Variants in CTNND2 observed in about 807,000 individuals in gnomAD.
CTNND2 encodes the protein catenin delta 2.
Under a neutral mutation model 144.4 loss-of-function variants are expected in CTNND2, and 22 were observed. That is an observed-to-expected ratio of 0.15 (90% CI 0.11 to 0.22). CTNND2 has a LOEUF of 0.22. CTNND2 is among the 10% of genes least tolerant of loss of function. The pLI is 1.00. For missense variants in CTNND2, 1,353 were observed against 1,618.8 expected, an observed-to-expected ratio of 0.84 and a Z score of 2.82; for synonymous variants, 751 against 695.6, an observed-to-expected ratio of 1.08 and a Z score of -1.25.
In CTNND2 at chr5:11,072,178, C is replaced by T. The variant is rs189401546; in HGVS notation, c.2788+10518G>A. On this transcript the variant is annotated intron_variant, in intron 16 of 21. Coordinates refer to ENST00000304623, the MANE Select transcript of CTNND2 (RefSeq NM_001332.4). ...ACTGTTCAAGTCTCAAGGTGAGGAC[C>T]ACAGGGATTTGTATCTTTTGATCTC... Among the ~76,000 whole-genome samples the T allele has an allele frequency of 8.7e-4, 132 of 152,274 alleles. No homozygotes were observed. In the Middle Eastern group the frequency reaches 0.01, roughly 12 times the overall value.
chr5:11,440,948 CTT>C (rs964997332), intron 3 of CTNND2, among the ~76,000 whole-genome samples: 3 of 152,116 alleles, frequency 2.0e-5, no homozygotes, highest in Non-Finnish European at 4.4e-5. Flanking sequence ...TTGTTGATGT[CTT>C]AGTATCTTTC....
intron 12 of CTNND2, among the ~76,000 whole-genome samples, chr5:11,148,270 G>T (rs1757433932): frequency 6.6e-6 from 1 of 152,170 alleles, no homozygotes; most frequent in African/African-American, 2.4e-5. Context: ...CACTTTGAAC[G>T]TACCAAATGC....
chr5:11,433,257 A>C (rs567646516), intron 3 of CTNND2, among the ~76,000 whole-genome samples: 7 of 152,270 alleles, frequency 4.6e-5, no homozygotes, highest in South Asian at 2.1e-4. Context: ...CACACACAAA[A>C]AAAAATTATT....
chr5:11,595,751 G>C (rs1175460206), intron 2 of CTNND2, among the ~76,000 whole-genome samples: 1 of 152,058 alleles, frequency 6.6e-6, no homozygotes, highest in African/African-American at 2.4e-5. Flanking sequence ...ACATTTTTGG[G>C]ATTAAAAAGC....
chr5:11,233,379 C>G (rs745824914), intron 10 of CTNND2, among the ~76,000 whole-genome samples: 10 of 152,278 alleles, frequency 6.6e-5, no homozygotes, highest in Admixed American at 2.6e-4. Flanking sequence ...TGATTTATGA[C>G]CCTCTGCATA....
chr5:11,156,755 G>A (rs1420964987), intron 12 of CTNND2, among the ~76,000 whole-genome samples: 1 of 152,210 alleles, frequency 6.6e-6, no homozygotes, highest in Non-Finnish European at 1.5e-5. Flanking sequence ...ACTTGGCTGA[G>A]TGGCTAATGC....
Position 10,988,146 on chromosome 5 carries a change from T to C in CTNND2, c.3308A>G (p.Lys1103Arg), listed in dbSNP as rs749425505. The C allele has an allele frequency of 4.3e-6, 7 of 1,614,062 alleles. No individual in the cohort carries two copies. Among genetic ancestry groups the C allele is most frequent in the African/African-American group, 1.3e-5 (1 of 74,938 alleles). Residue 1103 changes from lysine to arginine, a missense_variant, in exon 20 of 22, where the codon AAA becomes AGA. Transcript: ENST00000304623. This position sits in a 1 kb window ranked among gnomAD's most constrained non-coding sequence, Gnocchi z 5.9. ...TGSNATYHGAKGEHTSRKDAM... is the reference protein window; with the variant it reads ...TGSNATYHGARGEHTSRKDAM... ...ATCTTTCCTGGAAGTGTGTTCGCCT[T>C]TAGCTCCGTGGTAGGTGGCGTTGCT...
At chr5:11,016,105 G>A (rs1234639836) in intron 18 of CTNND2, among the ~76,000 whole-genome samples, 1 of 152,096 alleles carries the variant, frequency 6.6e-6, no homozygotes, top group Non-Finnish European at 1.5e-5. Context: ...CAGTATTTGC[G>A]AGATGCAAAA....
chr5:11,353,241 T>C (rs903244694), intron 8 of CTNND2, among the ~76,000 whole-genome samples: 2 of 152,112 alleles, frequency 1.3e-5, no homozygotes, highest in African/African-American at 2.4e-5. Flanking sequence ...ACTACTATCA[T>C]TAACATCATC....
At chr5:11,161,226 C>A (rs1758740822) in intron 11 of CTNND2, among the ~76,000 whole-genome samples, 2 of 152,184 alleles carry the variant, frequency 1.3e-5, no homozygotes, top group South Asian at 4.1e-4. Flanking sequence ...GTATTAGTGA[C>A]AGAGACTGTA....
At chr5:11,361,378 A>C (rs1160654394) in intron 8 of CTNND2, among the ~76,000 whole-genome samples, 1 of 152,146 alleles carries the variant, frequency 6.6e-6, no homozygotes, top group Admixed American at 6.5e-5. Context: ...CTGGTCTTGA[A>C]TTCCTGGGCT....
At chr5:11,283,369 G>T (rs530504683) in intron 9 of CTNND2, among the ~76,000 whole-genome samples, 16 of 151,990 alleles carry the variant, frequency 1.1e-4, no homozygotes, top group Admixed American at 4.6e-4. Flanking sequence ...CTGTTAACAT[G>T]GGAGGAAAAA....
intron 2 of CTNND2, among the ~76,000 whole-genome samples, chr5:11,703,105 G>A (rs1334046982): frequency 1.3e-5 from 2 of 152,132 alleles, no homozygotes; most frequent in Non-Finnish European, 2.9e-5. Flanking sequence ...TTAAGAGTTG[G>A]GTAGAGTCTG....
At chr5:11,457,759 T>C (rs1765861083) in intron 3 of CTNND2, among the ~76,000 whole-genome samples, 1 of 152,220 alleles carries the variant, frequency 6.6e-6, no homozygotes, top group South Asian at 2.1e-4. Flanking sequence ...GCCATCATCA[T>C]GGGTGACTTC....
intron 3 of CTNND2, among the ~76,000 whole-genome samples, chr5:11,489,046 A>G (rs952523175): frequency 7.4e-6 from 1 of 135,068 alleles, no homozygotes; most frequent in Admixed American, 7.4e-5. Context: ...TGTAGACACA[A>G]GTTTTCATTT....
rs555388304 is a variant in CTNND2, at chr5:11,404,602, C to CTTTTTTTTTTTTTTTTTTTT, written c.439+6914_439+6933dup. Among the ~76,000 whole-genome samples, 12 of 57,386 alleles carry CTTTTTTTTTTTTTTTTTTTT rather than the reference C, an allele frequency of 2.1e-4. 4 individuals carry two copies. Among genetic ancestry groups the CTTTTTTTTTTTTTTTTTTTT allele is most frequent in the Non-Finnish European group, 2.8e-4 (7 of 25,180 alleles). 37.6% of individuals were successfully genotyped at this position (57,386 alleles called of 152,430 possible). On this transcript the variant is annotated intron_variant, in intron 5 of 21. Coordinates refer to ENST00000304623, the MANE Select transcript of CTNND2 (RefSeq NM_001332.4). ...ATCAGTATCTGTCAGTATCTGTATT[C>CTTTTTTTTTTTTTTTTTTTT]TTTTTTTTTTTTTTTTTTTTTTTTT...
intron 9 of CTNND2, among the ~76,000 whole-genome samples, chr5:11,244,447 G>A (rs1015171577): frequency 6.6e-6 from 1 of 151,934 alleles, no homozygotes; most frequent in Non-Finnish European, 1.5e-5. Context: ...ACCACACCTG[G>A]CTAATTTTTG....
At chr5:11,621,487 T>C (rs1581620698) in intron 2 of CTNND2, among the ~76,000 whole-genome samples, 2 of 152,336 alleles carry the variant, frequency 1.3e-5, no homozygotes, top group African/African-American at 4.8e-5. Context: ...GATTTAACTT[T>C]GGAATTTGTA....
At chr5:11,767,047 T>C (rs1478450276) in intron 1 of CTNND2, among the ~76,000 whole-genome samples, 1 of 152,108 alleles carries the variant, frequency 6.6e-6, no homozygotes, top group African/African-American at 2.4e-5. Flanking sequence ...CATCTGGGTC[T>C]TCGTGACTCC....
Sources: gnomAD v4.1 joint callset for allele counts (sites outside exome capture counted in the v4.1 genomes callset) on GRCh38, gnomAD v4.1.1 for gene constraint, Gnocchi (gnomAD v3.1) non-coding constraint, MANE v1.5 for transcripts, NCBI Gene and HGNC (gene_info 2026-07-23, HGNC 2026-07-21) for gene names.